Variants in NOS1AP observed in about 807,000 individuals in gnomAD.
The protein encoded by NOS1AP is carboxyl-terminal PDZ ligand of neuronal nitric oxide synthase protein.
Under a neutral mutation model 56.2 loss-of-function variants are expected in NOS1AP, and 21 were observed. The observed-to-expected ratio is 0.37, with a 90% CI of 0.26 to 0.54. The LOEUF (loss-of-function observed/expected upper bound fraction) is 0.54. Among genes scored for constraint, NOS1AP ranks in the 20% least tolerant of loss-of-function variants. The pLI is 0.84. For missense variants in NOS1AP, 522 were observed against 657.8 expected (o/e 0.79, Z 2.26); for synonymous variants, 270 against 274.6 (o/e 0.98, Z 0.17).
intron 1 of NOS1AP, among the ~76,000 whole-genome samples, chr1:162,079,269 C>G (rs952488452): frequency 1.3e-5 from 2 of 152,042 alleles, no homozygotes; most frequent in African/African-American, 4.8e-5. Context: ...GATGGATGTC[C>G]AGTGGAATTA....
At chr1:162,197,234 CG>C (rs1278659645) in intron 2 of NOS1AP, among the ~76,000 whole-genome samples, 3 of 152,210 alleles carry the variant, frequency 2.0e-5, no homozygotes, top group Non-Finnish European at 4.4e-5. Context: ...AGACCACACA[CG>C]GGCAAGCCTG....
At chr1:162,282,287 TGTAA>T (rs1654957506) in intron 2 of NOS1AP, among the ~76,000 whole-genome samples, 1 of 152,240 alleles carries the variant, frequency 6.6e-6, no homozygotes, top group African/African-American at 2.4e-5. Context: ...TATTTGTCTC[TGTAA>T]GTTTGACAAC....
intron 2 of NOS1AP, among the ~76,000 whole-genome samples, chr1:162,251,221 G>T (rs546824670): frequency 6.6e-6 from 1 of 152,252 alleles, no homozygotes; most frequent in African/African-American, 2.4e-5. Flanking sequence ...GCAATATGGT[G>T]TCATGCCATC....
intron 2 of NOS1AP, among the ~76,000 whole-genome samples, chr1:162,212,643 C>T (rs1022924438): frequency 3.9e-5 from 6 of 152,180 alleles, no homozygotes; most frequent in Admixed American, 3.3e-4. Flanking sequence ...GTAAAAGCTT[C>T]GGGATTTTAG....
At chr1:162,207,277 A>G (rs960371487) in intron 2 of NOS1AP, among the ~76,000 whole-genome samples, 3 of 152,248 alleles carry the variant, frequency 2.0e-5, no homozygotes, top group Admixed American at 2.0e-4. Flanking sequence ...CCAGAGGCAC[A>G]GTGGCCTTAG....
chr1:162,157,406 T>G (rs1650019803), intron 2 of NOS1AP, among the ~76,000 whole-genome samples: 1 of 152,244 alleles, frequency 6.6e-6, no homozygotes, highest in African/African-American at 2.4e-5. Flanking sequence ...GCTGCTATTT[T>G]CTTTTCTTCT....
Position 162,070,146 on chromosome 1 carries a change from C to A in NOS1AP, c.-32C>A. 1 of 1,578,776 alleles carries A rather than the reference C, an allele frequency of 6.3e-7. No individual in the cohort carries two copies. Among genetic ancestry groups the A allele is most frequent in the Non-Finnish European group, 8.7e-7 (1 of 1,148,396 alleles). On this transcript the variant is annotated 5_prime_UTR_variant, in exon 1 of 10. Transcript: ENST00000361897. Reference sequence around the variant, plus strand: ...CGCCAGCCCCTTCCTGCAGCCGCCGCCTCCGAAGGAGCGGGTCCGCCGCGG... The same window carrying A: ...CGCCAGCCCCTTCCTGCAGCCGCCGACTCCGAAGGAGCGGGTCCGCCGCGG...
At chr1:162,280,593 G>A (rs1290106123) in intron 2 of NOS1AP, among the ~76,000 whole-genome samples, 1 of 152,146 alleles carries the variant, frequency 6.6e-6, no homozygotes, top group East Asian at 1.9e-4. Flanking sequence ...TTCCAAATGG[G>A]ATTTAGAACT....
chr1:162,152,138 TAGC>T (rs1482811442), intron 1 of NOS1AP, among the ~76,000 whole-genome samples: 1 of 152,164 alleles, frequency 6.6e-6, no homozygotes, highest in Non-Finnish European at 1.5e-5. Flanking sequence ...AGGGTCATGG[TAGC>T]AGGATAGGGA....
At chr1:162,183,877 T>C (rs1651344193) in intron 2 of NOS1AP, among the ~76,000 whole-genome samples, 1 of 152,256 alleles carries the variant, frequency 6.6e-6, no homozygotes, top group Non-Finnish European at 1.5e-5. Flanking sequence ...TGCTTTGCTT[T>C]CTTATTATGC....
chr1:162,146,348 C>A (rs1649465720), intron 1 of NOS1AP, among the ~76,000 whole-genome samples: 2 of 152,134 alleles, frequency 1.3e-5, no homozygotes, highest in African/African-American at 2.4e-5. Context: ...TCCAACTGTC[C>A]CCTTCTGCTG....
intron 4 of NOS1AP, among the ~76,000 whole-genome samples, chr1:162,324,257 C>G (rs750707423): frequency 5.9e-5 from 9 of 152,068 alleles, no homozygotes; most frequent in East Asian, 1.9e-4. Flanking sequence ...CACAGACACA[C>G]AGAAGAAATA....
chr1:162,093,901 A>G (rs150865893), intron 1 of NOS1AP, among the ~76,000 whole-genome samples: 125 of 152,318 alleles, frequency 8.2e-4, no homozygotes, highest in African/African-American at 2.9e-3. Flanking sequence ...GCAGTTAGTC[A>G]ATGTGAACAG....
rs547527017 is a variant in NOS1AP at position 162,239,842 on chromosome 1, T to A, written c.178-47502T>A. On this transcript the variant is annotated intron_variant, in intron 2 of 9. Transcript: ENST00000361897. ...TCAATGAGTATAATGACTTCGAGAA[T>A]AATTTACTTTCAGATTACTTTTACT... 3.3e-5 allele frequency among the ~76,000 whole-genome samples: 5 copies of A among 152,348 alleles called. No individual in the cohort carries two copies. The South Asian group carries it at 1.0e-3, about 32-fold the overall frequency.
intron 2 of NOS1AP, among the ~76,000 whole-genome samples, chr1:162,192,352 G>A (rs1336049940): frequency 6.6e-6 from 1 of 152,176 alleles, no homozygotes; most frequent in Non-Finnish European, 1.5e-5. Flanking sequence ...ACTGGGAAAG[G>A]GCTCAGGAAA....
At chr1:162,174,230 T>TA (rs942057300) in intron 2 of NOS1AP, among the ~76,000 whole-genome samples, 3 of 151,896 alleles carry the variant, frequency 2.0e-5, no homozygotes, top group African/African-American at 7.3e-5. Context: ...TATGCAGCCA[T>TA]AAAAAATGAT....
At chr1:162,126,454 G>A (rs1648492101) in intron 1 of NOS1AP, among the ~76,000 whole-genome samples, 1 of 152,020 alleles carries the variant, frequency 6.6e-6, no homozygotes, top group Admixed American at 6.5e-5. Context: ...ATCATATCAG[G>A]AGACACAAAA....
At chr1:162,149,535 G>A (rs1558123062) in intron 1 of NOS1AP, among the ~76,000 whole-genome samples, 1 of 152,236 alleles carries the variant, frequency 6.6e-6, no homozygotes, top group Non-Finnish European at 1.5e-5. Context: ...TTGTTGTGGT[G>A]TCATATGTGT....
intron 7 of NOS1AP, among the ~76,000 whole-genome samples, chr1:162,356,168 G>A (rs1657698427): frequency 6.6e-6 from 1 of 152,188 alleles, no homozygotes; most frequent in Admixed American, 6.5e-5. Context: ...AGTGGAAACA[G>A]CCCTGTGTCA....
Sources: allele counts gnomAD v4.1 joint callset (sites outside exome capture counted in the v4.1 genomes callset), GRCh38; gene constraint gnomAD v4.1.1; transcripts MANE v1.5; gene names NCBI Gene and HGNC (gene_info 2026-07-23, HGNC 2026-07-21).